DDAH1: variants seen among roughly 807,000 people sequenced by gnomAD.
The protein encoded by DDAH1 is N(G),N(G)-dimethylarginine dimethylaminohydrolase 1.
In DDAH1, 19 loss-of-function variants were observed where a neutral mutation model predicts 28.8. The observed-to-expected ratio is 0.66, with a 90% confidence interval of 0.46 to 0.97. The LOEUF (loss-of-function observed/expected upper bound fraction) is 0.97, where lower values mean the gene tolerates loss of function less well. DDAH1 is among the 50% of genes least tolerant of loss of function. DDAH1 has a pLI of 0.00. For missense variants in DDAH1, 326 were observed against 375.9 expected (o/e 0.87, Z 1.10); for synonymous variants, 153 against 154.4 (o/e 0.99, Z 0.07).
intron 1 of DDAH1, among the ~76,000 whole-genome samples, chr1:85,506,322 C>T (rs1657015327): frequency 6.6e-6 from 1 of 152,128 alleles, no homozygotes; most frequent in African/African-American, 2.4e-5. Flanking sequence ...CATTAAGTCC[C>T]ATGGGTTATC....
chr1:85,566,441 A>G (rs1335991473), intron 1 of DDAH1, among the ~76,000 whole-genome samples: 1 of 150,452 alleles, frequency 6.6e-6, no homozygotes, highest in East Asian at 1.9e-4. Context: ...GCAGTGAGCC[A>G]AGATCGCACC....
intron 4 of DDAH1, among the ~76,000 whole-genome samples, chr1:85,337,157 A>ATTCTTGT (rs1196292365): frequency 2.0e-5 from 3 of 152,096 alleles, no homozygotes; most frequent in African/African-American, 7.2e-5. Flanking sequence ...TAAAATCCTC[A>ATTCTTGT]TTCTTGTTTC....
intron 1 of DDAH1, among the ~76,000 whole-genome samples, chr1:85,429,530 C>A (rs1187369180): frequency 6.6e-6 from 1 of 152,130 alleles, no homozygotes; most frequent in East Asian, 1.9e-4. Flanking sequence ...GGTATATACC[C>A]AGTAATGGGA....
intron 2 of DDAH1, chr1:85,488,516 C>T (rs956945942): frequency 6.6e-6 from 1 of 152,128 alleles, no homozygotes; most frequent in African/African-American, 2.4e-5. Context: ...GGCCTCATCT[C>T]CAAATATCAT....
chr1:85,465,187 G>T, upstream of DDAH1: 4 of 1,136,800 alleles, frequency 3.5e-6, no homozygotes, highest in Non-Finnish European at 4.3e-6. Flanking sequence ...GCTCGCGCCC[G>T]GAGCCCTGCC....
Position 85,320,523 on chromosome 1 carries a change from A to C in DDAH1, c.*929T>G, listed in dbSNP as rs547166940. The C allele has an allele frequency of 2.6e-5, 4 of 152,414 alleles. No individual in the cohort carries two copies. In the South Asian group the frequency reaches 8.3e-4, roughly 32 times the overall value. 9.4% of individuals were successfully genotyped at this position (152,414 alleles called of 1,614,324 possible). A position where few individuals can be genotyped will look rare whatever the true frequency, so the allele number is the denominator to read the frequency against. On this transcript the variant is annotated 3_prime_UTR_variant, in exon 6 of 6. Transcript: ENST00000284031. ...GAAACAGAAATGAGTAGAAGGAAAA[A>C]AAAAAAAGAGTTCCTCCAAGGTCAT... is the stretch of plus-strand genomic sequence containing the variant.
intron 1 of DDAH1, among the ~76,000 whole-genome samples, chr1:85,368,334 G>C (rs1347769700): frequency 3.9e-5 from 6 of 152,146 alleles, no homozygotes; most frequent in African/African-American, 1.4e-4. Context: ...ACGGAGCCAG[G>C]AGAAATAAAA....
intron 1 of DDAH1, among the ~76,000 whole-genome samples, chr1:85,527,850 G>C (rs1456258913): frequency 2.6e-5 from 4 of 152,016 alleles, no homozygotes; most frequent in Non-Finnish European, 5.9e-5. Flanking sequence ...CATTTTAAAG[G>C]TTTTAAATAT....
chr1:85,561,222 CA>C (rs905882509), intron 1 of DDAH1, among the ~76,000 whole-genome samples: 15 of 152,060 alleles, frequency 9.9e-5, no homozygotes, highest in African/African-American at 3.1e-4. Flanking sequence ...GTGCCTACCT[CA>C]AAGAGTTATT....
At chr1:85,363,906 CTTTTTTTT>C (rs71819142) in intron 1 of DDAH1, among the ~76,000 whole-genome samples, 1 of 130,610 alleles carries the variant, frequency 7.7e-6, no homozygotes, top group African/African-American at 2.9e-5. Flanking sequence ...TGGATGTCAA[CTTTTTTTT>C]TTTTTTTTTT....
chr1:85,513,238 G>C (rs994344001), intron 1 of DDAH1, among the ~76,000 whole-genome samples: 8 of 152,102 alleles, frequency 5.3e-5, no homozygotes, highest in African/African-American at 9.7e-5. Context: ...CTGACAAAAA[G>C]AAGAAATGGG....
intron 2 of DDAH1, among the ~76,000 whole-genome samples, chr1:85,480,493 C>T (rs961637203): frequency 9.2e-5 from 14 of 152,076 alleles, no homozygotes; most frequent in African/African-American, 3.4e-4. Flanking sequence ...ATCTATAATC[C>T]CAGCACTTTG....
chr1:85,361,409 C>T (rs767276493), intron 1 of DDAH1, among the ~76,000 whole-genome samples: 1 of 152,144 alleles, frequency 6.6e-6, no homozygotes, highest in Non-Finnish European at 1.5e-5. Flanking sequence ...ATAACACACC[C>T]ACCTTTCATT....
chr1:85,323,103 A>T (rs1439928933), intron 5 of DDAH1, among the ~76,000 whole-genome samples: 1 of 152,206 alleles, frequency 6.6e-6, no homozygotes, highest in Non-Finnish European at 1.5e-5. Flanking sequence ...AGAAAAAATT[A>T]TCTATGTATT....
intron 2 of DDAH1, among the ~76,000 whole-genome samples, chr1:85,476,945 A>G (rs1013716733): frequency 6.6e-6 from 1 of 152,216 alleles, no homozygotes; most frequent in Non-Finnish European, 1.5e-5. Flanking sequence ...TCTAGCAGAG[A>G]GACAGCTATG....
Position 85,321,397 on chromosome 1 carries a change from G to T in DDAH1, c.*55C>A. The T allele has an allele frequency of 9.1e-7, 1 of 1,097,758 alleles. No homozygotes were observed. Among genetic ancestry groups the T allele is most frequent in the Non-Finnish European group, 1.4e-6 (1 of 711,306 alleles). 68.0% of individuals were successfully genotyped at this position (1,097,758 alleles called of 1,614,324 possible). On this transcript the variant is annotated 3_prime_UTR_variant, in exon 6 of 6. Coordinates refer to ENST00000284031, the MANE Select transcript of DDAH1 (RefSeq NM_012137.4). ...AAGGAAAACAACAGGAGTGGGCACAGAGTCATCGGCCTTGCCTGTGCGGTC... is the reference window on the plus strand; with the variant it reads ...AAGGAAAACAACAGGAGTGGGCACATAGTCATCGGCCTTGCCTGTGCGGTC...
chr1:85,567,080 G>A (rs936842350), intron 1 of DDAH1, among the ~76,000 whole-genome samples: 1 of 152,124 alleles, frequency 6.6e-6, no homozygotes, highest in African/African-American at 2.4e-5. Flanking sequence ...TTCTATTCAG[G>A]CCTTCAGCTG....
intron 1 of DDAH1, among the ~76,000 whole-genome samples, chr1:85,567,335 C>T (rs1317616597): frequency 6.6e-6 from 1 of 152,148 alleles, no homozygotes; most frequent in Non-Finnish European, 1.5e-5. Flanking sequence ...GTGGGAGGGA[C>T]CTGGTGAGAG....
chr1:85,483,288 A>G (rs1656074947), intron 2 of DDAH1, among the ~76,000 whole-genome samples: 1 of 152,126 alleles, frequency 6.6e-6, no homozygotes, highest in Admixed American at 6.6e-5. Flanking sequence ...ACCAACACTC[A>G]AAAATAAATC....
Sources: gnomAD v4.1 joint callset for allele counts (sites outside exome capture counted in the v4.1 genomes callset) on GRCh38, gnomAD v4.1.1 for gene constraint, MANE v1.5 for transcripts, NCBI Gene and HGNC (gene_info 2026-07-23, HGNC 2026-07-21) for gene names.